Variants in TSC22D2 observed in about 807,000 individuals in gnomAD.
TSC22D2 encodes TSC22 domain family protein 2.
In TSC22D2, 5 loss-of-function variants were observed where a neutral mutation model predicts 50.1. The ratio of observed to expected loss-of-function variants is 0.10; its 90% CI spans 0.05 to 0.21. The LOEUF is 0.21. TSC22D2 is among the 10% of genes least tolerant of loss of function. The pLI is 1.00. For synonymous variants in TSC22D2, 501 were observed against 450.1 expected (o/e 1.11, Z -1.43); for missense variants, 1,003 against 1,015.5 (o/e 0.99, Z 0.17).
chr3:150,411,539 T>C (rs1411736046), intron 1 of TSC22D2, among the ~76,000 whole-genome samples: 1 of 152,206 alleles, frequency 6.6e-6, no homozygotes, highest in Non-Finnish European at 1.5e-5. Context: ...GGATGCAACA[T>C]TGTTTACTCA....
chr3:150,453,198 G>A (rs970556950), intron 1 of TSC22D2, among the ~76,000 whole-genome samples: 1 of 152,016 alleles, frequency 6.6e-6, no homozygotes, highest in South Asian at 2.1e-4. Context: ...TTTGGAAACT[G>A]GTTAAACCAT....
rs1721397103 is a variant in TSC22D2, at chr3:150,461,459, G to C, written c.*2823G>C. The C allele has an allele frequency of 1.3e-5, 2 of 152,148 alleles. No individual in the cohort carries two copies. Among genetic ancestry groups the C allele is most frequent in the African/African-American group, 2.4e-5 (1 of 41,424 alleles). The allele number at this position is 152,148 out of a possible 1,614,324, so 9.4% of individuals were successfully genotyped here. On this transcript the variant is annotated 3_prime_UTR_variant, in exon 3 of 3. Coordinates refer to ENST00000688009, the MANE Select transcript of TSC22D2 (RefSeq NM_001303264.2). ...TGTCAGTGTAATGCCCATAGAGCAA[G>C]GTCCCACATAAGCTTTTCTGTTTTA...
intron 1 of TSC22D2, among the ~76,000 whole-genome samples, chr3:150,444,286 C>T (rs1720810012): frequency 6.6e-6 from 1 of 152,118 alleles, no homozygotes; most frequent in Non-Finnish European, 1.5e-5. Flanking sequence ...CTCAATATAA[C>T]ATCTGTTTAT....
intron 2 of TSC22D2, among the ~76,000 whole-genome samples, chr3:150,457,472 T>C (rs926819644): frequency 6.6e-6 from 1 of 152,022 alleles, no homozygotes; most frequent in African/African-American, 2.4e-5. Context: ...CAAAAACAGC[T>C]GGAGGTCTGA....
Position 150,463,486 on chromosome 3 carries a change from C to T in TSC22D2, c.*4850C>T, listed in dbSNP as rs1721473936. The T allele has an allele frequency of 6.6e-6, 1 of 152,160 alleles. No homozygotes were observed. Among genetic ancestry groups the T allele is most frequent in the Non-Finnish European group, 1.5e-5 (1 of 68,028 alleles). The allele number at this position is 152,160 out of a possible 1,614,324, so 9.4% of individuals were successfully genotyped here. On this transcript the variant is annotated 3_prime_UTR_variant, in exon 3 of 3. Coordinates refer to ENST00000688009, the MANE Select transcript of TSC22D2 (RefSeq NM_001303264.2). ...GATGTATACTTGCACCCCATTTACT[C>T]CTTTTCAATATTTCAGGATACATCT...
intron 1 of TSC22D2, among the ~76,000 whole-genome samples, chr3:150,418,981 TTC>T (rs1480588868): frequency 2.6e-5 from 4 of 152,082 alleles, no homozygotes; most frequent in Non-Finnish European, 5.9e-5. Context: ...AGTTTAAGTA[TTC>T]TGTTTCCCTC....
In TSC22D2 at chr3:150,409,830, C is replaced by T. The variant is rs373246794; in HGVS notation, c.480C>T (p.Ser160=). The T allele has an allele frequency of 1.9e-6, 3 of 1,606,244 alleles. No individual in the cohort carries two copies. The highest frequency in any genetic ancestry group is 1.3e-5 in the African/African-American group (1 of 74,950). ...CTCAGCCTCCCACCACATGTAGTTC[C>T]CGTTTTCGCGTGATCAAGCTGGACC... is the stretch of plus-strand genomic sequence containing the variant. The part of the protein sequence containing the change: ...APSQPPTTCS[S]RFRVIKLDHG... Residue 160 remains serine, a synonymous_variant, in exon 1 of 3, where the codon TCC becomes TCT. Coordinates refer to ENST00000688009, the MANE Select transcript of TSC22D2 (RefSeq NM_001303264.2). The surrounding 1 kb of genome is among the most constrained non-coding windows in gnomAD (Gnocchi z 7.4).
chr3:150,409,040 C>T lies in TSC22D2; in HGVS notation c.-311C>T. 4.1e-6 allele frequency: 1 copy of T among 244,534 alleles called. No individual in the cohort carries two copies. Among genetic ancestry groups the T allele is most frequent in the Non-Finnish European group, 8.0e-6 (1 of 125,396 alleles). 15.1% of individuals were successfully genotyped at this position (244,534 alleles called of 1,614,324 possible). A position where few individuals can be genotyped will look rare whatever the true frequency, so the allele number is the denominator to read the frequency against. Reference sequence around the variant, plus strand: ...GAAGCAGCCGGCCCGCCCCTGGGTTCGCGCTCTCGCCGCCTCTGAGGGAAT... The same window carrying T: ...GAAGCAGCCGGCCCGCCCCTGGGTTTGCGCTCTCGCCGCCTCTGAGGGAAT... On this transcript the variant is annotated 5_prime_UTR_variant, in exon 1 of 3. Coordinates refer to ENST00000688009, the MANE Select transcript of TSC22D2 (RefSeq NM_001303264.2). This position sits in a 1 kb window ranked among gnomAD's most constrained non-coding sequence, Gnocchi z 7.4.
Position 150,458,451 on chromosome 3 carries a change from G to A in TSC22D2, c.2086G>A (p.Val696Ile), listed in dbSNP as rs554820794. Residue 696 changes from valine to isoleucine, a missense_variant, in exon 3 of 3, where the codon GTT becomes ATT. Physicochemically the swap from Val to Ile is conservative, Grantham distance 29. Coordinates refer to ENST00000688009, the MANE Select transcript of TSC22D2 (RefSeq NM_001303264.2). Reference protein sequence around the residue: ...EVLKEQIKELVERNSLLEREN... With the variant: ...EVLKEQIKELIERNSLLEREN... ...TTTAAAGGAACAAATAAAAGAATTA[G>A]TTGAAAGAAACTCTTTACTTGAACG... 4.3e-6 allele frequency: 7 copies of A among 1,614,098 alleles called. No homozygotes were observed. In the East Asian group the frequency reaches 1.3e-4, roughly 31 times the overall value.
rs1721501210 is a variant in TSC22D2 at position 150,464,519 on chromosome 3, GA to G, written c.*5884del. 6.6e-6 allele frequency: 1 copy of G among 152,148 alleles called. No individual in the cohort carries two copies. Among genetic ancestry groups the G allele is most frequent in the Non-Finnish European group, 1.5e-5 (1 of 68,018 alleles). The allele number at this position is 152,148 out of a possible 1,614,324, so 9.4% of individuals were successfully genotyped here. ...GGGGATAGAAAGATGAATGGGACAT[GA>G]TTTGTGTGCTCCAATGAGCTCAGTC... On this transcript the variant is annotated 3_prime_UTR_variant, in exon 3 of 3. Transcript: ENST00000688009.
chr3:150,439,452 CTAAT>C (rs1240992361), intron 1 of TSC22D2, among the ~76,000 whole-genome samples: 5 of 152,274 alleles, frequency 3.3e-5, no homozygotes, highest in East Asian at 3.9e-4. Context: ...ATACAACAAA[CTAAT>C]TAAGTTATCT....
chr3:150,457,403 A>T (rs181645854), intron 2 of TSC22D2, among the ~76,000 whole-genome samples: 2 of 152,166 alleles, frequency 1.3e-5, no homozygotes, highest in Admixed American at 1.3e-4. Context: ...TTTAAAGACA[A>T]TATGTTCCCC....
At chr3:150,426,906 C>A (rs1392562520) in intron 1 of TSC22D2, among the ~76,000 whole-genome samples, 3 of 152,076 alleles carry the variant, frequency 2.0e-5, no homozygotes, top group Non-Finnish European at 4.4e-5. Context: ...TAAAAAAAGT[C>A]TTCTTATTTA....
chr3:150,408,639 C>T lies in TSC22D2; in HGVS notation c.-712C>T, dbSNP rs1719345283. The T allele has an allele frequency of 6.6e-6, 1 of 152,488 alleles. No homozygotes were observed. The highest frequency in any genetic ancestry group is 1.5e-5 in the Non-Finnish European group (1 of 68,246). The allele number at this position is 152,488 out of a possible 1,614,324, so 9.4% of individuals were successfully genotyped here. On this transcript the variant is annotated 5_prime_UTR_variant, in exon 1 of 3. Coordinates refer to ENST00000688009, the MANE Select transcript of TSC22D2 (RefSeq NM_001303264.2). ...AGGACCGAGCCGGCTTTCCCCTCCC[C>T]CAGAGCGGGTTTCCGCCTGAGGCAG... is the stretch of plus-strand genomic sequence containing the variant.
chr3:150,458,685 G>A lies in TSC22D2; in HGVS notation c.*49G>A. 1.9e-6 allele frequency: 3 copies of A among 1,601,180 alleles called. No homozygotes were observed. The highest frequency in any genetic ancestry group is 2.6e-6 in the Non-Finnish European group (3 of 1,173,586). On this transcript the variant is annotated 3_prime_UTR_variant, in exon 3 of 3. Transcript: ENST00000688009. Reference sequence around the variant, plus strand: ...AAAAAACTGAAAGCAATCTATCCTTGTGTGCCACTGGTGTTCTTTCCACTT... The same window carrying A: ...AAAAAACTGAAAGCAATCTATCCTTATGTGCCACTGGTGTTCTTTCCACTT...
chr3:150,411,101 C>G lies in TSC22D2; in HGVS notation c.1751C>G (p.Thr584Ser). Reference protein sequence around the residue: ...QSDLSQFQTQTQPLVGQVDDT... With the variant: ...QSDLSQFQTQSQPLVGQVDDT... ...GACCTAAGCCAGTTTCAAACTCAGA[C>G]CCAGCCTTTAGTCGGGCAAGTCGAC... The change falls in exon 1 of 3, where the codon ACC (threonine) becomes AGC (serine). Residue 584 changes from threonine to serine, a missense_variant. Physicochemically the swap from Thr to Ser is moderately conservative, Grantham distance 58. This residue lies in a region of TSC22D2 where 696 missense variants were observed against 647.8 expected (regional missense o/e 1.07). Coordinates refer to ENST00000688009, the MANE Select transcript of TSC22D2 (RefSeq NM_001303264.2). 6.2e-7 allele frequency: 1 copy of G among 1,614,194 alleles called. No homozygotes were observed. The highest frequency in any genetic ancestry group is 8.5e-7 in the Non-Finnish European group (1 of 1,180,048).
chr3:150,457,991 TC>T (rs1253823348), intron 2 of TSC22D2, among the ~76,000 whole-genome samples: 2 of 152,172 alleles, frequency 1.3e-5, no homozygotes, highest in African/African-American at 4.8e-5. Context: ...AAATTACAGA[TC>T]ACTTTAAAGC....
rs953086105 is a variant in TSC22D2, at chr3:150,460,364, A to G, written c.*1728A>G. ...TGAATTCAGAAAGGTGCCTGTAGAA[A>G]TTAACATGCACTGCATCTGTAGCCA... On this transcript the variant is annotated 3_prime_UTR_variant, in exon 3 of 3. Coordinates refer to ENST00000688009, the MANE Select transcript of TSC22D2 (RefSeq NM_001303264.2). The G allele has an allele frequency of 3.3e-5, 5 of 152,240 alleles. No individual in the cohort carries two copies. The highest frequency in any genetic ancestry group is 4.8e-5 in the African/African-American group (2 of 41,470). 9.4% of individuals were successfully genotyped at this position (152,240 alleles called of 1,614,324 possible).
intron 1 of TSC22D2, among the ~76,000 whole-genome samples, chr3:150,427,338 C>A (rs1037566637): frequency 6.6e-6 from 1 of 152,142 alleles, no homozygotes; most frequent in African/African-American, 2.4e-5. Context: ...TCATGCCCCC[C>A]ATCAGTCACT....
Sources: allele counts gnomAD v4.1 joint callset (sites outside exome capture counted in the v4.1 genomes callset), GRCh38; gene constraint gnomAD v4.1.1; regional missense constraint gnomAD v4.1.1; non-coding constraint Gnocchi (gnomAD v3.1); transcripts MANE v1.5; gene names NCBI Gene and HGNC (gene_info 2026-07-23, HGNC 2026-07-21).